Variants in SMYD1 observed in about 807,000 individuals in gnomAD.
The protein encoded by SMYD1 is histone-lysine N-methyltransferase SMYD1.
A neutral mutation model predicts 54.0 loss-of-function variants in SMYD1; 49 were observed. The ratio of observed to expected loss-of-function variants is 0.91; its 90% CI spans 0.72 to 1.15. The LOEUF (loss-of-function observed/expected upper bound fraction) is 1.15, where lower values mean the gene tolerates loss of function less well. Ranked by LOEUF, SMYD1 falls within the 50% of genes most tolerant of loss-of-function variation. The probability of loss-of-function intolerance (pLI) is 0.00; values close to 1 mark genes in which losing one functional copy is unlikely to be tolerated. For synonymous variants in SMYD1, 269 were observed against 234.2 expected, an observed-to-expected ratio of 1.15 and a Z score of -1.36; for missense variants, 653 against 639.6, an observed-to-expected ratio of 1.02 and a Z score of -0.23.
chr2:88,072,665 A>T (rs1383744147), intron 1 of SMYD1, among the ~76,000 whole-genome samples: 2 of 151,976 alleles, frequency 1.3e-5, no homozygotes, highest in East Asian at 3.9e-4. Context: ...TAATTGGCAG[A>T]TTTTTTTTGA....
At chr2:88,084,989 A>G (rs1674289510) in intron 2 of SMYD1, among the ~76,000 whole-genome samples, 1 of 152,102 alleles carries the variant, frequency 6.6e-6, no homozygotes, top group South Asian at 2.1e-4. Context: ...AGCTCAAGCG[A>G]TCCACCCGTC....
In SMYD1 at chr2:88,096,744, T is replaced by G; in HGVS notation, c.848T>G (p.Leu283Arg). Residue 283 changes from leucine (L) to arginine (R), a missense_variant, in exon 6 of 10, where the codon CTG (leucine) becomes CGG (arginine). Coordinates refer to ENST00000419482, the MANE Select transcript of SMYD1 (RefSeq NM_198274.4). ...DCTCEHCQKK[L>R]KDDLFLGVKD... is the part of the protein sequence containing the mutation. ...ACATGTGAACACTGCCAGAAAAAAC[T>G]GAAGGATGACCTCTTCCTGGGGGTG... is the stretch of plus-strand genomic sequence containing the variant. 1 of 1,614,114 alleles carries G rather than the reference T, an allele frequency of 6.2e-7. No homozygotes were observed. The highest frequency in any genetic ancestry group is 8.5e-7 in the Non-Finnish European group (1 of 1,180,000).
chr2:88,091,830 C>G (rs969122578), intron 4 of SMYD1, among the ~76,000 whole-genome samples: 1 of 152,214 alleles, frequency 6.6e-6, no homozygotes, highest in African/African-American at 2.4e-5. Context: ...TGCCACTGCA[C>G]TCCAGCTTGG....
Position 88,100,205 on chromosome 2 carries a change from T to G in SMYD1, c.889-2853T>G, listed in dbSNP as rs192074498. Among the ~76,000 whole-genome samples, 25 of 152,292 alleles carry G rather than the reference T, an allele frequency of 1.6e-4. No individual in the cohort carries two copies. In the East Asian group the frequency reaches 4.8e-3, roughly 29 times the overall value. The stretch of plus-strand genomic sequence containing the variant: ...GTGGAGCCAAGTGGAACAGCCCCGT[T>G]TCCTTTCTCAGAGTAGATTTATCAC... On this transcript the variant is annotated intron_variant, in intron 6 of 9. Coordinates refer to ENST00000419482, the MANE Select transcript of SMYD1 (RefSeq NM_198274.4).
intron 1 of SMYD1, among the ~76,000 whole-genome samples, chr2:88,068,631 G>C (rs1386034046): frequency 6.9e-6 from 1 of 144,110 alleles, no homozygotes; most frequent in Non-Finnish European, 1.5e-5. Flanking sequence ...TTTTTTTACA[G>C]AAATGGTGTC....
intron 4 of SMYD1, 53 bp from the exon 5 acceptor site, chr2:88,093,463 AC>A: frequency 6.2e-7 from 1 of 1,607,084 alleles, no homozygotes; most frequent in Non-Finnish European, 8.5e-7. Flanking sequence ...ACTGGATCAC[AC>A]CTGATCAGCC....
intron 2 of SMYD1, among the ~76,000 whole-genome samples, chr2:88,086,576 G>A (rs1410636209): frequency 2.0e-5 from 3 of 152,276 alleles, no homozygotes; most frequent in African/African-American, 7.2e-5. Context: ...GGCCAGGCCA[G>A]GCCCCTCCCT....
intron 4 of SMYD1, 90 bp from the exon 5 acceptor site, chr2:88,093,427 T>C: frequency 6.8e-7 from 1 of 1,476,090 alleles, no homozygotes; most frequent in Middle Eastern, 1.7e-4. Context: ...TTTGATACTG[T>C]GACCCAGAAT....
intron 3 of SMYD1, 149 bp downstream of exon 3, chr2:88,088,224 T>A: frequency 1.0e-6 from 1 of 965,186 alleles, no homozygotes; most frequent in Non-Finnish European, 1.5e-6. Flanking sequence ...TCCATAAAGG[T>A]CTCATCTAGC....
intron 5 of SMYD1, among the ~76,000 whole-genome samples, chr2:88,095,434 A>G (rs1674560423): frequency 6.6e-6 from 1 of 152,198 alleles, no homozygotes; most frequent in Non-Finnish European, 1.5e-5. Context: ...GAACGTCACT[A>G]CCATTCAGCA....
chr2:88,102,313 G>A (rs1674738956), intron 6 of SMYD1, among the ~76,000 whole-genome samples: 1 of 152,082 alleles, frequency 6.6e-6, no homozygotes, highest in Admixed American at 6.5e-5. Context: ...TGTGGGAACT[G>A]CCTTCTTAAT....
chr2:88,110,725 C>T lies in SMYD1; in HGVS notation c.*213C>T. The T allele has an allele frequency of 2.0e-6, 1 of 510,744 alleles. No homozygotes were observed. The highest frequency in any genetic ancestry group is 4.1e-5 in the Admixed American group (1 of 24,670). The allele number at this position is 510,744 out of a possible 1,614,324, so 31.6% of individuals were successfully genotyped here. A position where few individuals can be genotyped will look rare whatever the true frequency, so the allele number is the denominator to read the frequency against. On this transcript the variant is annotated 3_prime_UTR_variant, in exon 10 of 10. Coordinates refer to ENST00000419482, the MANE Select transcript of SMYD1 (RefSeq NM_198274.4). ...ACTCTAGCCCAGCCCAGATCAACTC[C>T]TCCTACAAATATTATTGGATGATAG...
intron 1 of SMYD1, among the ~76,000 whole-genome samples, chr2:88,078,492 G>A (rs977474473): frequency 1.2e-4 from 18 of 152,106 alleles, no homozygotes; most frequent in Admixed American, 8.5e-4. Context: ...AGATATTGGA[G>A]TCAGGAGTAG....
At position 88,088,070 on chromosome 2, in the gene SMYD1, G is replaced by C. The variant is rs145152139; in HGVS notation, c.523G>C (p.Gly175Arg). ...FSMQYISHIF[G>R]VINCNGFTLS... The stretch of plus-strand genomic sequence containing the variant: ...CATGCAGTACATCTCGCACATCTTC[G>C]GAGTGGTAGGCCCCCTGCGTCCCTT... Residue 175 changes from glycine (G) to arginine (R), a missense_variant, in exon 3 of 10, where the codon GGA becomes CGA. By Grantham distance (125) the Gly-to-Arg change is moderately radical. Transcript: ENST00000419482. 1.2e-6 allele frequency: 2 copies of C among 1,612,360 alleles called. No individual in the cohort carries two copies. The highest frequency in any genetic ancestry group is 1.7e-5 in the Admixed American group (1 of 59,834).
At position 88,093,556 on chromosome 2, in the gene SMYD1, G is replaced by A; in HGVS notation, c.698+1G>A. ...AATCCATGTTTCATACCCAGATGAG[G>A]TGGGTCAGTCCTTTCAAGCATCCCT... On this transcript the variant is annotated splice_donor_variant, in intron 5 of 9. Coordinates refer to ENST00000419482, the MANE Select transcript of SMYD1 (RefSeq NM_198274.4). LOFTEE classifies it high-confidence loss of function. 1 of 1,614,082 alleles carries A rather than the reference G, an allele frequency of 6.2e-7. No homozygotes were observed.
chr2:88,068,368 A>G (rs1044988128), intron 1 of SMYD1, among the ~76,000 whole-genome samples: 1 of 152,166 alleles, frequency 6.6e-6, no homozygotes, highest in Non-Finnish European at 1.5e-5. Flanking sequence ...TTATAAATAC[A>G]TTACCAGATA....
chr2:88,106,318 A>G lies in SMYD1; in HGVS notation c.982-7A>G, dbSNP rs1431981648. 1.2e-6 allele frequency: 2 copies of G among 1,613,694 alleles called. No homozygotes were observed. Among genetic ancestry groups the G allele is most frequent in the Non-Finnish European group, 1.7e-6 (2 of 1,179,872 alleles). On this transcript the variant is annotated splice_region_variant and splice_polypyrimidine_tract_variant and intron_variant, in intron 7 of 9. Coordinates refer to ENST00000419482, the MANE Select transcript of SMYD1 (RefSeq NM_198274.4). ...TGGTAATGGGCAGGGCCTCTGTCTC[A>G]CTCTAGGTTGTGAAATTATGCCGGG...
At chr2:88,109,997 G>A (rs545635117) in intron 9 of SMYD1, among the ~76,000 whole-genome samples, 4 of 152,276 alleles carry the variant, frequency 2.6e-5, no homozygotes, top group South Asian at 2.1e-4. Context: ...GAAAACTGAC[G>A]GCTGAAGCGA....
chr2:88,099,927 C>T (rs1038423756), intron 6 of SMYD1, among the ~76,000 whole-genome samples: 4 of 150,850 alleles, frequency 2.7e-5, no homozygotes, highest in Non-Finnish European at 4.4e-5. Flanking sequence ...GGCCCCTCCC[C>T]TTATCCTCTG....
Sources: gnomAD v4.1 joint callset for allele counts (sites outside exome capture counted in the v4.1 genomes callset) on GRCh38, gnomAD v4.1.1 for gene constraint, MANE v1.5 for transcripts, NCBI Gene and HGNC (gene_info 2026-07-23, HGNC 2026-07-21) for gene names.